The following TTLL3 variants were observed in gnomAD, a reference collection of about 807,000 sequenced individuals.
TTLL3 encodes tubulin monoglycylase TTLL3.
TTLL3 carries 63 observed loss-of-function variants against 75.2 expected under a neutral mutation model. That is an observed-to-expected ratio of 0.84 (90% CI 0.68 to 1.03). The LOEUF (loss-of-function observed/expected upper bound fraction) is 1.03, where lower values mean the gene tolerates loss of function less well. TTLL3 is among the 50% of genes least tolerant of loss of function. The pLI, the probability that TTLL3 is intolerant of heterozygous loss-of-function variation, is 0.00. For missense variants in TTLL3, 997 were observed against 1,069.9 expected, an observed-to-expected ratio of 0.93 and a Z score of 0.95; for synonymous variants, 393 against 418.5, an observed-to-expected ratio of 0.94 and a Z score of 0.74.
intron 2 of TTLL3, among the ~76,000 whole-genome samples, chr3:9,811,931 A>G (rs2079393533): frequency 6.6e-6 from 1 of 152,180 alleles, no homozygotes; most frequent in Non-Finnish European, 1.5e-5. Context: ...TCTGGATCCC[A>G]TTAAGTATGC....
intron 5 of TTLL3, 111 bp from the exon 6 acceptor site, chr3:9,817,534 A>G: frequency 6.3e-7 from 1 of 1,581,126 alleles, no homozygotes; most frequent in Non-Finnish European, 8.6e-7. Context: ...CAGACCTTGC[A>G]AGCGGGGCCA....
chr3:9,826,063 C>T, intron 9 of TTLL3, 115 bp downstream of exon 9: 1 of 1,457,160 alleles, frequency 6.9e-7, no homozygotes, highest in Non-Finnish European at 9.2e-7. Flanking sequence ...GGTTTGAGTC[C>T]TAGCTCTGCT....
At chr3:9,812,763 A>T in intron 2 of TTLL3, 180 bp from the exon 3 acceptor site, 1 of 649,114 alleles carries the variant, frequency 1.5e-6, no homozygotes, top group Non-Finnish European at 2.2e-6. Context: ...AGCCATTGCT[A>T]TTATCATTAT....
In TTLL3 at chr3:9,818,591, A is replaced by T. The variant is rs548894261; in HGVS notation, c.560-231A>T. 5.7e-6 allele frequency: 7 copies of T among 1,232,710 alleles called. No individual in the cohort carries two copies. In the East Asian group the frequency reaches 2.3e-4, roughly 41 times the overall value. 76.4% of individuals were successfully genotyped at this position (1,232,710 alleles called of 1,614,324 possible). On this transcript the variant is annotated intron_variant, in intron 6 of 13. Coordinates refer to ENST00000685419, the MANE Select transcript of TTLL3 (RefSeq NM_001387446.1). ...CACTGTGTTAGCCAGGATGGTCTCGATCTCCTGACCTCATGATCCATCCAC... is the reference window on the plus strand; with the variant it reads ...CACTGTGTTAGCCAGGATGGTCTCGTTCTCCTGACCTCATGATCCATCCAC...
rs928630307 is a variant in TTLL3 at position 9,820,633 on chromosome 3, A to G, written c.746A>G (p.Tyr249Cys). The part of the protein sequence containing the change: ...VDEALCACEE[Y>C]LSNLAHMDID... ...GAAGCTCTGTGTGCGTGCGAGGAGT[A>G]CCTTAGCAACTTGGCCCACATGGAC... The change falls in exon 8 of 14, where the codon TAC becomes TGC. Residue 249 changes from tyrosine to cysteine, a missense_variant. Transcript: ENST00000685419. The G allele has an allele frequency of 6.2e-7, 1 of 1,614,026 alleles. No homozygotes were observed. Among genetic ancestry groups the G allele is most frequent in the African/African-American group, 1.3e-5 (1 of 74,976 alleles).
At chr3:9,812,326 C>T (rs2079430001) in intron 2 of TTLL3, among the ~76,000 whole-genome samples, 1 of 152,136 alleles carries the variant, frequency 6.6e-6, no homozygotes, top group Non-Finnish European at 1.5e-5. Flanking sequence ...ACCAGCGTGG[C>T]CAATATGGTG....
At chr3:9,825,712 C>CG in intron 8 of TTLL3, 88 bp from the exon 9 acceptor site, 1 of 1,609,798 alleles carries the variant, frequency 6.2e-7, no homozygotes, top group Non-Finnish European at 8.5e-7. Context: ...TGGATGACGG[C>CG]GGGGGATGGT....
intron 9 of TTLL3, 136 bp from the exon 10 acceptor site, chr3:9,826,861 C>A: frequency 6.8e-7 from 1 of 1,467,570 alleles, no homozygotes; most frequent in Non-Finnish European, 9.1e-7. Flanking sequence ...CCAAAGGGAA[C>A]TGGGTTCTGA....
Position 9,820,317 on chromosome 3 carries a change from G to A in TTLL3, c.659-229G>A, listed in dbSNP as rs2080290714. ...AGGCCTTGGGGACATTTAGGGCAGAGCCTCGAGTGACAGGTCCTGGGACAG... is the reference window on the plus strand; with the variant it reads ...AGGCCTTGGGGACATTTAGGGCAGAACCTCGAGTGACAGGTCCTGGGACAG... On this transcript the variant is annotated intron_variant, in intron 7 of 13. Transcript: ENST00000685419. 4 of 1,382,374 alleles carry A rather than the reference G, an allele frequency of 2.9e-6. No individual in the cohort carries two copies. In the Admixed American group the frequency reaches 9.1e-5, roughly 31 times the overall value. The allele number at this position is 1,382,374 out of a possible 1,614,324, so 85.6% of individuals were successfully genotyped here. A position where few individuals can be genotyped will look rare whatever the true frequency, so the allele number is the denominator to read the frequency against.
Position 9,832,080 on chromosome 3 carries a change from A to ATTTTTT in TTLL3, c.1684-1007_1684-1002dup, listed in dbSNP as rs34646268. Among the ~76,000 whole-genome samples the ATTTTTT allele has an allele frequency of 5.3e-4, 45 of 84,798 alleles. 3 individuals are homozygous for ATTTTTT. The highest frequency in any genetic ancestry group is 1.3e-3 in the East Asian group (4 of 3,080). The allele number at this position is 84,798 out of a possible 152,430, so 55.6% of individuals were successfully genotyped here. A position where few individuals can be genotyped will look rare whatever the true frequency, so the allele number is the denominator to read the frequency against. On this transcript the variant is annotated intron_variant, in intron 11 of 13. Transcript: ENST00000685419. ...AGCCACCGCGCCCGGCAATAGCTGC[A>ATTTTTT]TTTTTTTTTTTTTTTTTTTTTTGAG...
At chr3:9,828,909 G>C (rs944783231) in intron 10 of TTLL3, 51 bp from the exon 11 acceptor site, 1 of 1,598,054 alleles carries the variant, frequency 6.3e-7, no homozygotes, top group African/African-American at 1.3e-5. Context: ...CCTGAGTTTG[G>C]ATGGGAGAGA....
intron 8 of TTLL3, among the ~76,000 whole-genome samples, chr3:9,821,301 T>G (rs2080388585): frequency 6.6e-6 from 1 of 152,144 alleles, no homozygotes; most frequent in South Asian, 2.1e-4. Context: ...TTTAGGGAGA[T>G]TCCATTCGGG....
chr3:9,832,080 AT>A (rs34646268), intron 11 of TTLL3, among the ~76,000 whole-genome samples: 3,155 of 84,630 alleles, frequency 0.037, 32 homozygotes, highest in African/African-American at 0.093. Flanking sequence ...CAATAGCTGC[AT>A]TTTTTTTTTT....
intron 7 of TTLL3, chr3:9,820,048 CT>C (rs2080264311): frequency 2.0e-6 from 2 of 990,002 alleles, no homozygotes; most frequent in African/African-American, 3.5e-5. Context: ...GTGTCAGGGC[CT>C]TGTGCAGTAA....
intron 11 of TTLL3, among the ~76,000 whole-genome samples, chr3:9,831,771 G>C (rs1490849343): frequency 6.6e-6 from 1 of 151,434 alleles, no homozygotes; most frequent in East Asian, 1.9e-4. Context: ...CTACTTGGGA[G>C]TGCTGATAGC....
intron 9 of TTLL3, 90 bp downstream of exon 9, chr3:9,826,038 A>C: frequency 6.6e-7 from 1 of 1,520,044 alleles, no homozygotes; most frequent in African/African-American, 1.4e-5. Flanking sequence ...AGGTCTATTG[A>C]AGCCAAATTG....
intron 5 of TTLL3, among the ~76,000 whole-genome samples, chr3:9,816,871 A>G (rs558039484): frequency 1.1e-4 from 16 of 152,270 alleles, no homozygotes; most frequent in African/African-American, 3.8e-4. Flanking sequence ...GAATACCAGT[A>G]AGGCCCATCT....
chr3:9,824,116 T>TA (rs752641473), intron 8 of TTLL3, among the ~76,000 whole-genome samples: 11 of 152,216 alleles, frequency 7.2e-5, no homozygotes, highest in Non-Finnish European at 1.6e-4. Context: ...TTCCTGCTCT[T>TA]ACGGAGTTTA....
At chr3:9,827,370 C>G in intron 10 of TTLL3, 130 bp downstream of exon 10, 2 of 1,451,248 alleles carry the variant, frequency 1.4e-6, no homozygotes, top group Non-Finnish European at 1.8e-6. Flanking sequence ...GGCAGGCAGG[C>G]CCTCATCCTG....
Sources: gnomAD v4.1 joint callset for allele counts (sites outside exome capture counted in the v4.1 genomes callset) on GRCh38, gnomAD v4.1.1 for gene constraint, MANE v1.5 for transcripts, NCBI Gene and HGNC (gene_info 2026-07-23, HGNC 2026-07-21) for gene names.